The following PTCD2 variants were observed in gnomAD, a reference collection of about 807,000 sequenced individuals.
PTCD2 encodes pentatricopeptide repeat-containing protein 2, mitochondrial.
Under a neutral mutation model 42.6 loss-of-function variants are expected in PTCD2, and 31 were observed. The observed-to-expected ratio is 0.73, with a 90% confidence interval of 0.55 to 0.98. The LOEUF is 0.98. PTCD2 is among the 50% of genes least tolerant of loss of function. The probability of loss-of-function intolerance (pLI) is 0.00; values close to 1 mark genes in which losing one functional copy is unlikely to be tolerated. For synonymous variants in PTCD2, 183 were observed against 170.9 expected (o/e 1.07, Z -0.55); for missense variants, 476 against 454.8 (o/e 1.05, Z -0.42).
intron 3 of PTCD2, among the ~76,000 whole-genome samples, chr5:72,329,158 T>C (rs1580146045): frequency 2.0e-5 from 3 of 152,358 alleles, no homozygotes; most frequent in Admixed American, 2.0e-4. Context: ...TTATCATAAA[T>C]ATTCAAAGTA....
Position 72,365,820 on chromosome 5 carries a change from C to G in PTCD2, c.*7393C>G, listed in dbSNP as rs1184150319. Reference sequence around the variant, plus strand: ...TTAGAAGATCATAATCGATTTTTAACACATTGGTCCTTAGGTGATACAGAA... The same window carrying G: ...TTAGAAGATCATAATCGATTTTTAAGACATTGGTCCTTAGGTGATACAGAA... On this transcript the variant is annotated 3_prime_UTR_variant, in exon 10 of 10. Coordinates refer to ENST00000380639, the MANE Select transcript of PTCD2 (RefSeq NM_024754.5). 1 of 152,132 alleles carries G rather than the reference C, an allele frequency of 6.6e-6. No homozygotes were observed. Among genetic ancestry groups the G allele is most frequent in the Non-Finnish European group, 1.5e-5 (1 of 68,022 alleles). 9.4% of individuals were successfully genotyped at this position (152,132 alleles called of 1,614,324 possible). A position where few individuals can be genotyped will look rare whatever the true frequency, so the allele number is the denominator to read the frequency against.
intron 9 of PTCD2, 36 bp from the exon 10 acceptor site, chr5:72,358,167 G>T: frequency 6.6e-7 from 1 of 1,524,538 alleles, no homozygotes; most frequent in Non-Finnish European, 9.1e-7. Flanking sequence ...AAGAAATCTT[G>T]CAGAGATGTA....
intron 7 of PTCD2, among the ~76,000 whole-genome samples, chr5:72,339,714 C>A (rs1751953342): frequency 6.6e-6 from 1 of 151,388 alleles, no homozygotes; most frequent in Admixed American, 6.6e-5. Context: ...TGTAGTTTTT[C>A]TTTATTTATG....
At chr5:72,342,221 A>G (rs185306014) in intron 7 of PTCD2, among the ~76,000 whole-genome samples, 1 of 152,236 alleles carries the variant, frequency 6.6e-6, no homozygotes, top group East Asian at 1.9e-4. Flanking sequence ...TATAACCCAG[A>G]GTTTTGTCTA....
At chr5:72,346,710 T>G (rs549714532) in intron 8 of PTCD2, among the ~76,000 whole-genome samples, 41 of 152,330 alleles carry the variant, frequency 2.7e-4, no homozygotes, top group African/African-American at 9.4e-4. Context: ...TCCTACTGGA[T>G]ATGGACAGCT....
At chr5:72,330,442 T>C (rs1368955981) in intron 3 of PTCD2, among the ~76,000 whole-genome samples, 1 of 152,220 alleles carries the variant, frequency 6.6e-6, no homozygotes, top group Non-Finnish European at 1.5e-5. Flanking sequence ...ACTCATTATA[T>C]GAATCTAAAT....
intron 4 of PTCD2, among the ~76,000 whole-genome samples, chr5:72,332,144 G>A (rs967267910): frequency 1.3e-5 from 2 of 152,168 alleles, no homozygotes; most frequent in African/African-American, 2.4e-5. Flanking sequence ...GCCACGGCTG[G>A]CCACCAGGTA....
intron 7 of PTCD2, among the ~76,000 whole-genome samples, chr5:72,341,479 G>A (rs192755553): frequency 2.0e-5 from 3 of 151,768 alleles, no homozygotes; most frequent in Non-Finnish European, 4.4e-5. Flanking sequence ...TGGCTCCTGC[G>A]TGTAATCCCA....
intron 3 of PTCD2, 149 bp from the exon 4 acceptor site, chr5:72,331,109 T>G: frequency 1.5e-6 from 1 of 652,664 alleles, no homozygotes; most frequent in Non-Finnish European, 2.8e-6. Context: ...TTCCTGATTG[T>G]CTGAAATCTC....
intron 8 of PTCD2, among the ~76,000 whole-genome samples, chr5:72,345,529 T>C (rs1752315442): frequency 6.6e-6 from 1 of 152,188 alleles, no homozygotes; most frequent in African/African-American, 2.4e-5. Context: ...GGGGAAGTGA[T>C]AAGTGTCCAT....
intron 8 of PTCD2, among the ~76,000 whole-genome samples, chr5:72,346,205 A>G (rs1190121787): frequency 6.6e-6 from 1 of 152,244 alleles, no homozygotes; most frequent in Non-Finnish European, 1.5e-5. Flanking sequence ...TGGGTTTGTA[A>G]TGGAAGAAAC....
At chr5:72,350,048 T>C (rs1043306756) in intron 8 of PTCD2, among the ~76,000 whole-genome samples, 2 of 152,220 alleles carry the variant, frequency 1.3e-5, no homozygotes, top group African/African-American at 4.8e-5. Context: ...CAAGCTCCTC[T>C]TCTTGTTTAT....
intron 2 of PTCD2, among the ~76,000 whole-genome samples, 198 bp from the exon 3 acceptor site, chr5:72,326,414 C>T (rs996523332): frequency 6.6e-6 from 1 of 152,158 alleles, no homozygotes; most frequent in Non-Finnish European, 1.5e-5. Flanking sequence ...TGCCCATGTC[C>T]CTGCCTCCTG....
In PTCD2 at chr5:72,363,802, TAAAG is replaced by T. The variant is rs756791682; in HGVS notation, c.*5379_*5382del. The T allele has an allele frequency of 6.6e-6, 1 of 152,276 alleles. No individual in the cohort carries two copies. Among genetic ancestry groups the T allele is most frequent in the Non-Finnish European group, 1.5e-5 (1 of 68,010 alleles). The allele number at this position is 152,276 out of a possible 1,614,324, so 9.4% of individuals were successfully genotyped here. A position where few individuals can be genotyped will look rare whatever the true frequency, so the allele number is the denominator to read the frequency against. On this transcript the variant is annotated 3_prime_UTR_variant, in exon 10 of 10. Coordinates refer to ENST00000380639, the MANE Select transcript of PTCD2 (RefSeq NM_024754.5). Reference sequence around the variant, plus strand: ...ATCCATTTATTTTTTCAAATATACATAAAGAAATCCATACAAACTAAGGCCAATT... The same window carrying T: ...ATCCATTTATTTTTTCAAATATACATAAATCCATACAAACTAAGGCCAATT...
At position 72,338,606 on chromosome 5, in the gene PTCD2, TC is replaced by T; in HGVS notation, c.640-14del. Reference sequence around the variant, plus strand: ...AAGGTTTATAACATTAATCGAACAATCCTGTCTCCTCACAGAATAGCCCTGA... The same window carrying T: ...AAGGTTTATAACATTAATCGAACAATCTGTCTCCTCACAGAATAGCCCTGA... On this transcript the variant is annotated splice_polypyrimidine_tract_variant and intron_variant, in intron 6 of 9. Coordinates refer to ENST00000380639, the MANE Select transcript of PTCD2 (RefSeq NM_024754.5). 2.2e-6 allele frequency: 3 copies of T among 1,344,850 alleles called. No individual in the cohort carries two copies. The South Asian group carries it at 3.6e-5, about 16-fold the overall frequency. The allele number at this position is 1,344,850 out of a possible 1,614,324, so 83.3% of individuals were successfully genotyped here.
chr5:72,322,294 A>G, intron 2 of PTCD2, 30 bp downstream of exon 2: 1 of 1,285,526 alleles, frequency 7.8e-7, no homozygotes, highest in South Asian at 1.2e-5. Context: ...TAATTCTGTC[A>G]TTTATCTGTC....
At position 72,325,838 on chromosome 5, in the gene PTCD2, C is replaced by G. The variant is rs16877550; in HGVS notation, c.221-774C>G. 9.5e-3 allele frequency among the ~76,000 whole-genome samples: 1,450 copies of G among 152,308 alleles called. 35 individuals carry two copies. Among genetic ancestry groups the G allele is most frequent in the African/African-American group, 0.032 (1,322 of 41,568 alleles). On this transcript the variant is annotated intron_variant, in intron 2 of 9. Transcript: ENST00000380639. The stretch of plus-strand genomic sequence containing the variant: ...TGGTTGGTGCCTGCTTTGCTTTTCA[C>G]CCCGCATTTTGGTGGGAATAAAGCC...
At position 72,360,563 on chromosome 5, in the gene PTCD2, CAG is replaced by C. The variant is rs1299413021; in HGVS notation, c.*2137_*2138del. The stretch of plus-strand genomic sequence containing the variant: ...TTAAAGTCTTAAAAGTCCAATAAAA[CAG>C]TGTTCAGTATAGGTTATGATAGGCA... On this transcript the variant is annotated 3_prime_UTR_variant, in exon 10 of 10. Coordinates refer to ENST00000380639, the MANE Select transcript of PTCD2 (RefSeq NM_024754.5). 1.3e-5 allele frequency: 2 copies of C among 152,118 alleles called. No individual in the cohort carries two copies. The highest frequency in any genetic ancestry group is 2.1e-4 in the South Asian group (1 of 4,830). 9.4% of individuals were successfully genotyped at this position (152,118 alleles called of 1,614,324 possible).
intron 7 of PTCD2, among the ~76,000 whole-genome samples, chr5:72,339,717 T>TTCTTTTTTTTTTTTTTTTGAGACGG (rs1751954458): frequency 6.6e-6 from 1 of 152,056 alleles, no homozygotes; most frequent in Non-Finnish European, 1.5e-5. Context: ...AGTTTTTCTT[T>TTCTTTTTTTTTTTTTTTTGAGACGG]ATTTATGTCT....
Sources: gnomAD v4.1 joint callset for allele counts (sites outside exome capture counted in the v4.1 genomes callset) on GRCh38, gnomAD v4.1.1 for gene constraint, MANE v1.5 for transcripts, NCBI Gene and HGNC (gene_info 2026-07-23, HGNC 2026-07-21) for gene names.